Variants in ZNF266 observed in about 807,000 individuals in gnomAD.
ZNF266 encodes the protein zinc finger protein 1.
A neutral mutation model predicts 16.4 loss-of-function variants in ZNF266; 16 were observed. The ratio of observed to expected loss-of-function variants is 0.98; its 90% CI spans 0.66 to 1.48. The LOEUF (loss-of-function observed/expected upper bound fraction) is 1.48. Among genes scored for constraint, ZNF266 ranks in the 40% most tolerant of loss-of-function variants. ZNF266 has a pLI of 0.00. For synonymous variants in ZNF266, 262 were observed against 237.9 expected (o/e 1.10, Z -0.93); for missense variants, 738 against 689.1 (o/e 1.07, Z -0.79).
Position 9,413,967 on chromosome 19 carries a change from C to G in ZNF266, c.1159G>C (p.Ala387Pro). The G allele has an allele frequency of 1.2e-6, 2 of 1,614,112 alleles. No individual in the cohort carries two copies. Among genetic ancestry groups the G allele is most frequent in the Non-Finnish European group, 1.7e-6 (2 of 1,180,026 alleles). Reference protein sequence around the residue: ...QLTEHLKTHTAKDPFECKICG... With the variant: ...QLTEHLKTHTPKDPFECKICG... ...ATCTTACATTCAAAGGGATCCTTTG[C>G]AGTGTGAGTTTTTAAATGTTCAGTA... Residue 387 changes from alanine (A) to proline (P), a missense_variant, in exon 11 of 11, where the codon GCA (alanine) becomes CCA (proline). Physicochemically the swap from Ala to Pro is conservative, Grantham distance 27. Coordinates refer to ENST00000592904, the MANE Select transcript of ZNF266 (RefSeq NM_001370374.1).
chr19:9,422,618 C>T (rs1260671617), intron 5 of ZNF266, among the ~76,000 whole-genome samples: 1 of 152,168 alleles, frequency 6.6e-6, no homozygotes, highest in African/African-American at 2.4e-5. Context: ...TGCTCATGAG[C>T]ACAATAGCCA....
intron 2 of ZNF266, 26 bp downstream of exon 2, chr19:9,435,082 A>G (rs1468048268): frequency 6.6e-6 from 1 of 152,222 alleles, no homozygotes; most frequent in Non-Finnish European, 1.5e-5. Flanking sequence ...GAAGCCCCCG[A>G]AACCAACTTT....
chr19:9,428,320 G>A (rs1169538084), intron 5 of ZNF266, among the ~76,000 whole-genome samples: 1 of 152,168 alleles, frequency 6.6e-6, no homozygotes, highest in African/African-American at 2.4e-5. Flanking sequence ...TCAGGCCCTT[G>A]GGTCTAATCC....
chr19:9,418,411 T>C lies in ZNF266; in HGVS notation c.235+94A>G, dbSNP rs192469241. On this transcript the variant is annotated intron_variant, in intron 8 of 10. Coordinates refer to ENST00000592904, the MANE Select transcript of ZNF266 (RefSeq NM_001370374.1). ...CAGGGACTATGTCTGTTATTTCCCA[T>C]TGTGTTCAGAGTTGCTATCTCTGAT... The C allele has an allele frequency of 1.9e-4, 255 of 1,340,656 alleles. 1 individual carries two copies. Among genetic ancestry groups the C allele is most frequent in the Admixed American group, 8.1e-4 (47 of 58,060 alleles). 83.0% of individuals were successfully genotyped at this position (1,340,656 alleles called of 1,614,324 possible).
rs2068489058 is a variant in ZNF266, at chr19:9,413,330, G to C, written c.1796C>G (p.Ser599Cys). ...CKECGKAFSS[S>C]SSFRNHERRH... ...TCTTTCATGATTTCGAAAGGAACTG[G>C]AAGAACTGAAGGCTTTCCCGCACTC... The change falls in exon 11 of 11, where the codon TCC (serine) becomes TGC (cysteine). Residue 599 changes from serine (S) to cysteine (C), a missense_variant. Transcript: ENST00000592904. 6.2e-7 allele frequency: 1 copy of C among 1,610,532 alleles called. No individual in the cohort carries two copies. The highest frequency in any genetic ancestry group is 1.7e-5 in the Admixed American group (1 of 59,586).
chr19:9,413,027 C>T lies in ZNF266; in HGVS notation c.*248G>A. On this transcript the variant is annotated 3_prime_UTR_variant, in exon 11 of 11. Coordinates refer to ENST00000592904, the MANE Select transcript of ZNF266 (RefSeq NM_001370374.1). ...GTTTGTGGGATTCAGAAAGGTATTCCCAGATTCTCTACATTCATACAGTTT... is the reference window on the plus strand; with the variant it reads ...GTTTGTGGGATTCAGAAAGGTATTCTCAGATTCTCTACATTCATACAGTTT... 1.9e-6 allele frequency: 1 copy of T among 516,772 alleles called. No homozygotes were observed. Among genetic ancestry groups the T allele is most frequent in the Non-Finnish European group, 3.4e-6 (1 of 296,760 alleles). The allele number at this position is 516,772 out of a possible 1,614,324, so 32.0% of individuals were successfully genotyped here.
chr19:9,427,842 T>C (rs909684451), intron 5 of ZNF266, among the ~76,000 whole-genome samples: 15 of 152,172 alleles, frequency 9.9e-5, no homozygotes, highest in Non-Finnish European at 1.6e-4. Flanking sequence ...ACTCTTGACA[T>C]GTCATTAAGG....
intron 7 of ZNF266, chr19:9,418,988 C>T (rs772032881): frequency 5.9e-6 from 1 of 168,370 alleles, no homozygotes; most frequent in Middle Eastern, 2.8e-3. Flanking sequence ...CAGTTGGGAC[C>T]ATGAGGGAAG....
intron 5 of ZNF266, among the ~76,000 whole-genome samples, chr19:9,429,879 C>A (rs1342978191): frequency 6.6e-6 from 1 of 152,140 alleles, no homozygotes; most frequent in African/African-American, 2.4e-5. Flanking sequence ...GGGAGGGGAC[C>A]ACCTACTCCA....
chr19:9,429,348 C>T (rs955547627), intron 5 of ZNF266, among the ~76,000 whole-genome samples: 30 of 152,094 alleles, frequency 2.0e-4, no homozygotes, highest in Admixed American at 2.6e-4. Context: ...GATAGGGGAC[C>T]CACCTGAACC....
chr19:9,422,234 C>T (rs1281042518), intron 5 of ZNF266, among the ~76,000 whole-genome samples: 2 of 152,148 alleles, frequency 1.3e-5, no homozygotes, highest in Non-Finnish European at 2.9e-5. Context: ...CTGCAACTTG[C>T]TTTTCTTTGT....
chr19:9,413,732 T>TGTTCACTA lies in ZNF266; in HGVS notation c.1386_1393dup (p.His465LeufsTer33). On this transcript the variant is annotated frameshift_variant, in exon 11 of 11. Coordinates refer to ENST00000592904, the MANE Select transcript of ZNF266 (RefSeq NM_001370374.1). LOFTEE classifies it low-confidence loss of function (END_TRUNC). ...CTTCTCTCCAGTGTGAGTTCTTGTA[T>TGTTCACTA]GTTCACTAAGGCGAGAGGATCTGGC... 6.2e-7 allele frequency: 1 copy of TGTTCACTA among 1,614,202 alleles called. No homozygotes were observed. The highest frequency in any genetic ancestry group is 8.5e-7 in the Non-Finnish European group (1 of 1,180,034).
rs1599415286 is a variant in ZNF266 at position 9,413,186 on chromosome 19, T to G, written c.*89A>C. 6.7e-7 allele frequency: 1 copy of G among 1,489,408 alleles called. No homozygotes were observed. The allele number at this position is 1,489,408 out of a possible 1,614,324, so 92.3% of individuals were successfully genotyped here. A position where few individuals can be genotyped will look rare whatever the true frequency, so the allele number is the denominator to read the frequency against. On this transcript the variant is annotated 3_prime_UTR_variant, in exon 11 of 11. Transcript: ENST00000592904. ...TTAAGACCTGAGATACAAAGTTGCTTCCACATTTTTACATTCATAGGGTTT... is the reference window on the plus strand; with the variant it reads ...TTAAGACCTGAGATACAAAGTTGCTGCCACATTTTTACATTCATAGGGTTT...
In ZNF266 at chr19:9,415,701, G is replaced by A. The variant is rs2068873089; in HGVS notation, c.358C>T (p.Leu120Phe). 3 of 1,613,262 alleles carry A rather than the reference G, an allele frequency of 1.9e-6. No homozygotes were observed. Among genetic ancestry groups the A allele is most frequent in the Admixed American group, 1.7e-5 (1 of 59,988 alleles). Reference sequence around the variant, plus strand: ...GGCTCCCCCAAAACATCCTGCTGAAGGGCTAACTCTTTGGTTTTAAGTTGC... The same window carrying A: ...GGCTCCCCCAAAACATCCTGCTGAAAGGCTAACTCTTTGGTTTTAAGTTGC... ...KVQLKTKELA[L>F]QQDVLGEPTS... Residue 120 changes from leucine (L) to phenylalanine (F), a missense_variant, in exon 10 of 11, where the codon CTT becomes TTT. Leu to Phe is a conservative substitution (Grantham distance 22, BLOSUM62 0). Coordinates refer to ENST00000592904, the MANE Select transcript of ZNF266 (RefSeq NM_001370374.1).
rs1369924582 is a variant in ZNF266, at chr19:9,414,373, A to C, written c.753T>G (p.His251Gln). 1 of 1,614,180 alleles carries C rather than the reference A, an allele frequency of 6.2e-7. No homozygotes were observed. Among genetic ancestry groups the C allele is most frequent in the South Asian group, 1.1e-5 (1 of 91,084 alleles). ...HLRTHNGESL[H>Q]EWKECGRGFI... ...AGCCTCTCCCACATTCCTTCCATTC[A>C]TGGAGACTTTCTCCATTGTGAGTTC... The change falls in exon 11 of 11, where the codon CAT (histidine) becomes CAG (glutamine). Residue 251 changes from histidine to glutamine, a missense_variant. Transcript: ENST00000592904.
Position 9,413,169 on chromosome 19 carries a change from T to C in ZNF266, c.*106A>G. 1 of 1,365,954 alleles carries C rather than the reference T, an allele frequency of 7.3e-7. No homozygotes were observed. Among genetic ancestry groups the C allele is most frequent in the African/African-American group, 1.5e-5 (1 of 68,960 alleles). The allele number at this position is 1,365,954 out of a possible 1,614,324, so 84.6% of individuals were successfully genotyped here. On this transcript the variant is annotated 3_prime_UTR_variant, in exon 11 of 11. Transcript: ENST00000592904. ...GAATTCATATGTGTTCATTAAGACC[T>C]GAGATACAAAGTTGCTTCCACATTT...
At chr19:9,424,049 G>A (rs1370258672) in intron 5 of ZNF266, among the ~76,000 whole-genome samples, 1 of 152,038 alleles carries the variant, frequency 6.6e-6, no homozygotes, top group Non-Finnish European at 1.5e-5. Context: ...TAACTCCACT[G>A]ACAGAAGTTT....
In ZNF266 at chr19:9,427,804, C is replaced by T. The variant is rs1020623339; in HGVS notation, c.-130+5864G>A. 6.6e-5 allele frequency among the ~76,000 whole-genome samples: 10 copies of T among 152,160 alleles called. No individual in the cohort carries two copies. The East Asian group carries it at 7.7e-4, about 12-fold the overall frequency. On this transcript the variant is annotated intron_variant, in intron 5 of 10. Transcript: ENST00000592904. ...CTTCTCCAGGAACACAGGTATGCAC[C>T]GCACCGATAACAGCCTTCCCCAAGG... is the stretch of plus-strand genomic sequence containing the variant.
intron 7 of ZNF266, 127 bp downstream of exon 7, chr19:9,419,090 G>T: frequency 6.4e-6 from 1 of 157,252 alleles, no homozygotes; most frequent in Non-Finnish European, 1.4e-5. Context: ...ATTCGACTAG[G>T]GACTCAGTCC....
Sources: gnomAD v4.1 joint callset for allele counts (sites outside exome capture counted in the v4.1 genomes callset) on GRCh38, gnomAD v4.1.1 for gene constraint, MANE v1.5 for transcripts, NCBI Gene and HGNC (gene_info 2026-07-23, HGNC 2026-07-21) for gene names.